Variants in ROR2 observed in about 807,000 individuals in gnomAD.
The protein encoded by ROR2 is tyrosine-protein kinase transmembrane receptor ROR2.
In ROR2, 33 loss-of-function variants were observed where a neutral mutation model predicts 74.9. That is an observed-to-expected ratio of 0.44 (90% confidence interval 0.33 to 0.59). The LOEUF (loss-of-function observed/expected upper bound fraction) is 0.59, where lower values mean the gene tolerates loss of function less well. ROR2 is among the 20% of genes least tolerant of loss of function. ROR2 has a pLI of 0.02. For missense variants in ROR2, 1,216 were observed against 1,313.8 expected, an observed-to-expected ratio of 0.93 and a Z score of 1.15; for synonymous variants, 586 against 558.7, an observed-to-expected ratio of 1.05 and a Z score of -0.69.
rs937312319 is a variant in ROR2, at chr9:91,819,753, CTGTG to C, written c.98-43939_98-43936del. Among the ~76,000 whole-genome samples, 6 of 150,822 alleles carry C rather than the reference CTGTG, an allele frequency of 4.0e-5. No homozygotes were observed. In the East Asian group the frequency reaches 9.7e-4, roughly 24 times the overall value. On this transcript the variant is annotated intron_variant, in intron 1 of 8. Transcript: ENST00000375708. ...ATGTATCTGTGTGTCATTCAATATT[CTGTG>C]TGTGTGTCTCAGTGTTCTGTGTGTA...
At chr9:91,755,465 G>A (rs1031956421) in intron 4 of ROR2, among the ~76,000 whole-genome samples, 1 of 152,252 alleles carries the variant, frequency 6.6e-6, no homozygotes, top group Non-Finnish European at 1.5e-5. Context: ...CTGGGTACAC[G>A]ATGGGAGAGT....
intron 1 of ROR2, among the ~76,000 whole-genome samples, chr9:91,877,616 A>G (rs570301249): frequency 6.6e-6 from 1 of 152,372 alleles, no homozygotes; most frequent in East Asian, 1.9e-4. Context: ...ATCACTCCTA[A>G]GAGTCAATTC....
chr9:91,944,923 G>C (rs561443659), intron 1 of ROR2, among the ~76,000 whole-genome samples: 26 of 152,182 alleles, frequency 1.7e-4, no homozygotes, highest in African/African-American at 5.5e-4. Context: ...AGGCACGGTA[G>C]CGCGTGCCTG....
chr9:91,737,611 A>C, intron 4 of ROR2, 93 bp from the exon 5 acceptor site: 1 of 1,564,194 alleles, frequency 6.4e-7, no homozygotes, highest in Non-Finnish European at 8.8e-7. Context: ...GCGATCCAGC[A>C]ATTTTGTTAC....
Position 91,724,813 on chromosome 9 carries a change from G to C in ROR2, c.1681C>G (p.Leu561Val). The change falls in exon 9 of 9, where the codon CTC becomes GTC. Residue 561 changes from leucine (L) to valine (V), a missense_variant. Transcript: ENST00000375708. ...MIFSYCSHGD[L>V]HEFLVMRSPH... The stretch of plus-strand genomic sequence containing the variant: ...GAGCGCATGACCAGGAATTCGTGGA[G>C]GTCGCCGTGCGAACAGTAGCTGAAG... 6.2e-7 allele frequency: 1 copy of C among 1,608,536 alleles called. No homozygotes were observed. Among genetic ancestry groups the C allele is most frequent in the Non-Finnish European group, 8.5e-7 (1 of 1,175,912 alleles).
chr9:91,820,812 G>A (rs1389780212), intron 1 of ROR2, among the ~76,000 whole-genome samples: 1 of 152,168 alleles, frequency 6.6e-6, no homozygotes, highest in Non-Finnish European at 1.5e-5. Context: ...ATAAGAAGGG[G>A]AGGTCAGGCC....
At chr9:91,896,105 C>A (rs1414639685) in intron 1 of ROR2, among the ~76,000 whole-genome samples, 1 of 152,176 alleles carries the variant, frequency 6.6e-6, no homozygotes, top group Non-Finnish European at 1.5e-5. Context: ...AGGATGAAAT[C>A]CATAGAACAC....
chr9:91,785,573 A>G (rs1401835141), intron 1 of ROR2, among the ~76,000 whole-genome samples: 1 of 152,204 alleles, frequency 6.6e-6, no homozygotes, highest in Non-Finnish European at 1.5e-5. Context: ...GGTGACCACC[A>G]TCATGTTCAT....
At chr9:91,927,596 C>G (rs1831443813) in intron 1 of ROR2, among the ~76,000 whole-genome samples, 3 of 103,716 alleles carry the variant, frequency 2.9e-5, no homozygotes, top group East Asian at 5.4e-4. Context: ...GACGGAGTCT[C>G]TCTGTCACCC....
chr9:91,906,641 C>A (rs1830826030), intron 1 of ROR2, among the ~76,000 whole-genome samples: 1 of 152,214 alleles, frequency 6.6e-6, no homozygotes, highest in Non-Finnish European at 1.5e-5. Context: ...TTTCTTAAGT[C>A]ATGGTCAATG....
chr9:91,783,077 G>A (rs1160176506), intron 1 of ROR2, among the ~76,000 whole-genome samples: 2 of 152,172 alleles, frequency 1.3e-5, no homozygotes, highest in African/African-American at 4.8e-5. Flanking sequence ...CTTGCTGGCA[G>A]ACCATGGCTT....
At chr9:91,858,064 G>A (rs936807860) in intron 1 of ROR2, among the ~76,000 whole-genome samples, 4 of 152,038 alleles carry the variant, frequency 2.6e-5, no homozygotes, top group African/African-American at 4.8e-5. Flanking sequence ...TAATCCTCCC[G>A]CTGGAAGAAG....
chr9:91,770,709 G>A (rs1826199151), intron 2 of ROR2, among the ~76,000 whole-genome samples: 1 of 152,200 alleles, frequency 6.6e-6, no homozygotes, highest in Non-Finnish European at 1.5e-5. Context: ...CTGATGCTGA[G>A]CCCAAGTTGT....
At chr9:91,780,360 G>A (rs1826571751) in intron 1 of ROR2, among the ~76,000 whole-genome samples, 1 of 147,792 alleles carries the variant, frequency 6.8e-6, no homozygotes, top group Non-Finnish European at 1.5e-5. Context: ...CTAGGCGACA[G>A]AGCAAGACTC....
At chr9:91,757,039 G>A (rs1418714888) in intron 3 of ROR2, among the ~76,000 whole-genome samples, 1 of 152,020 alleles carries the variant, frequency 6.6e-6, no homozygotes, top group Admixed American at 6.6e-5. Context: ...CAAAGTGCTG[G>A]AATTACAGGC....
At chr9:91,929,620 A>C (rs1831499258) in intron 1 of ROR2, among the ~76,000 whole-genome samples, 1 of 152,180 alleles carries the variant, frequency 6.6e-6, no homozygotes, top group Non-Finnish European at 1.5e-5. Flanking sequence ...TATGACCCAA[A>C]GACATTCCAA....
At position 91,905,760 on chromosome 9, in the gene ROR2, A is replaced by C. The variant is rs1190352060; in HGVS notation, c.97+44107T>G. On this transcript the variant is annotated intron_variant, in intron 1 of 8. Coordinates refer to ENST00000375708, the MANE Select transcript of ROR2 (RefSeq NM_004560.4). The surrounding 1 kb of genome is among the most constrained non-coding windows in gnomAD (Gnocchi z 5.3). ...GGGGGGAGGGGCCATCACACTCTTT[A>C]GGGAGAGAAAATAGAAATTAAAGCA... Among the ~76,000 whole-genome samples, 1 of 151,984 alleles carries C rather than the reference A, an allele frequency of 6.6e-6. No individual in the cohort carries two copies. Among genetic ancestry groups the C allele is most frequent in the African/African-American group, 2.4e-5 (1 of 41,368 alleles).
At chr9:91,847,653 T>C (rs1828970817) in intron 1 of ROR2, among the ~76,000 whole-genome samples, 1 of 151,864 alleles carries the variant, frequency 6.6e-6, no homozygotes, top group African/African-American at 2.4e-5. Flanking sequence ...CTCATTTCCG[T>C]GTGCAGCCTG....
intron 1 of ROR2, among the ~76,000 whole-genome samples, chr9:91,824,674 C>T (rs986403532): frequency 4.6e-5 from 7 of 152,220 alleles, no homozygotes; most frequent in East Asian, 3.8e-4. Flanking sequence ...CTCCCCCACC[C>T]GAGGCAGCTG....
Sources: gnomAD v4.1 joint callset for allele counts (sites outside exome capture counted in the v4.1 genomes callset) on GRCh38, gnomAD v4.1.1 for gene constraint, Gnocchi (gnomAD v3.1) non-coding constraint, MANE v1.5 for transcripts, NCBI Gene and HGNC (gene_info 2026-07-23, HGNC 2026-07-21) for gene names.